The following FLNB variants were observed in gnomAD, a reference collection of about 807,000 sequenced individuals.
FLNB encodes the protein filamin-B.
In FLNB, 111 loss-of-function variants were observed where a neutral mutation model predicts 250.6. The observed-to-expected ratio is 0.44, with a 90% CI of 0.38 to 0.52. FLNB has a LOEUF of 0.52. Among genes scored for constraint, FLNB ranks in the 20% least tolerant of loss-of-function variants. The pLI, the probability that FLNB is intolerant of heterozygous loss-of-function variation, is 0.00. For missense variants in FLNB, 2,869 were observed against 3,447.8 expected, an observed-to-expected ratio of 0.83 and a Z score of 4.20; for synonymous variants, 1,302 against 1,372.1, an observed-to-expected ratio of 0.95 and a Z score of 1.13.
chr3:58,166,657 C>CA (rs958079521), intron 43 of FLNB, among the ~76,000 whole-genome samples: 6 of 151,916 alleles, frequency 3.9e-5, no homozygotes, highest in East Asian at 1.9e-4. Context: ...CCCATCTCTA[C>CA]AAAAAAATTT....
intron 27 of FLNB, among the ~76,000 whole-genome samples, chr3:58,135,077 T>A (rs1301144064): frequency 2.0e-5 from 3 of 152,162 alleles, no homozygotes; most frequent in Non-Finnish European, 4.4e-5. Flanking sequence ...GGTCTTGAAC[T>A]CTCTTGGGTT....
At position 58,147,130 on chromosome 3, in the gene FLNB, G is replaced by T. The variant is rs533530567; in HGVS notation, c.5728+137G>T. The stretch of plus-strand genomic sequence containing the variant: ...TTTCACAGAGACTTGTTGAGGAGGA[G>T]CAGGGGATGGAATGCAATTTTGGAT... On this transcript the variant is annotated intron_variant, in intron 34 of 45. Transcript: ENST00000295956. The T allele has an allele frequency of 3.4e-4, 280 of 829,776 alleles. No homozygotes were observed. The African/African-American group carries it at 4.1e-3, about 12-fold the overall frequency. The allele number at this position is 829,776 out of a possible 1,614,324, so 51.4% of individuals were successfully genotyped here.
At chr3:58,137,898 G>A (rs759790057) in intron 28 of FLNB, among the ~76,000 whole-genome samples, 20 of 152,160 alleles carry the variant, frequency 1.3e-4, no homozygotes, top group Non-Finnish European at 2.5e-4. Context: ...TGGAAATGTC[G>A]TTCTTGGTGC....
chr3:58,039,630 G>T (rs556287242), intron 1 of FLNB, among the ~76,000 whole-genome samples: 1 of 152,176 alleles, frequency 6.6e-6, no homozygotes, highest in Non-Finnish European at 1.5e-5. Context: ...AACAGAACTA[G>T]CTTTTTTGTG....
At chr3:58,025,747 G>A (rs2097122726) in intron 1 of FLNB, among the ~76,000 whole-genome samples, 1 of 152,194 alleles carries the variant, frequency 6.6e-6, no homozygotes, top group African/African-American at 2.4e-5. Context: ...CCAACATGGC[G>A]AAACCCTGTC....
chr3:58,031,704 ACCAAG>A (rs2106761227), intron 1 of FLNB, among the ~76,000 whole-genome samples: 1 of 151,536 alleles, frequency 6.6e-6, no homozygotes, highest in South Asian at 2.1e-4. Flanking sequence ...GGTATGTGCC[ACCAAG>A]CCTGGCTAAT....
At chr3:58,034,813 C>CGGGT (rs2097135754) in intron 1 of FLNB, among the ~76,000 whole-genome samples, 1 of 152,140 alleles carries the variant, frequency 6.6e-6, no homozygotes, top group Non-Finnish European at 1.5e-5. Context: ...TCTCCACAGA[C>CGGGT]GGGTGGGTGT....
intron 1 of FLNB, among the ~76,000 whole-genome samples, chr3:58,069,130 C>A (rs2097190325): frequency 6.8e-6 from 1 of 147,222 alleles, no homozygotes. Flanking sequence ...ATGACCGAGA[C>A]CCTGTCTTTA....
At chr3:58,048,993 G>A (rs1003396005) in intron 1 of FLNB, among the ~76,000 whole-genome samples, 2 of 152,156 alleles carry the variant, frequency 1.3e-5, no homozygotes, top group Non-Finnish European at 2.9e-5. Flanking sequence ...CAAATGAAGG[G>A]CTGGAGACTC....
intron 1 of FLNB, among the ~76,000 whole-genome samples, chr3:58,073,155 ATT>A (rs2097197095): frequency 1.3e-5 from 2 of 150,158 alleles, no homozygotes; most frequent in South Asian, 4.2e-4. Flanking sequence ...CCCACTATTT[ATT>A]TATTTATTTA....
At position 58,145,997 on chromosome 3, in the gene FLNB, A is replaced by G. The variant is rs2097335270; in HGVS notation, c.5502A>G (p.Gly1834=). 1 of 1,614,050 alleles carries G rather than the reference A, an allele frequency of 6.2e-7. No homozygotes were observed. Among genetic ancestry groups the G allele is most frequent in the Admixed American group, 1.7e-5 (1 of 60,012 alleles). The part of the protein sequence containing the change: ...VSAYGPGLVY[G]VANKTATFTI... ...CATACGGTCCAGGCCTCGTGTATGG[A>G]GTGGCCAACAAAACTGCCACCTTCA... Residue 1834 remains glycine (G), a synonymous_variant, in exon 33 of 46, where the codon GGA becomes GGG. Transcript: ENST00000295956.
In FLNB at chr3:58,154,894, G is replaced by C; in HGVS notation, c.6738G>C (p.Gly2246=). 2 of 1,614,122 alleles carry C rather than the reference G, an allele frequency of 1.2e-6. No homozygotes were observed. The highest frequency in any genetic ancestry group is 1.7e-5 in the Admixed American group (1 of 60,022). The part of the protein sequence containing the change: ...AEITFDDHKN[G]SCGVSYIAQE... ...TTACATTCGATGACCATAAAAATGG[G>C]TCGTGCGGTGTATCTTATATTGCCC... The change falls in exon 40 of 46, where the codon GGG becomes GGC. Residue 2246 remains glycine (G), a synonymous_variant. Coordinates refer to ENST00000295956, the MANE Select transcript of FLNB (RefSeq NM_001457.4).
intron 7 of FLNB, 40 bp from the exon 8 acceptor site, chr3:58,098,671 G>C (rs374345062): frequency 8.7e-6 from 14 of 1,604,632 alleles, no homozygotes; most frequent in Non-Finnish European, 1.2e-5. Flanking sequence ...AGCTTTCAGA[G>C]AGGGTGACTT....
intron 43 of FLNB, among the ~76,000 whole-genome samples, 197 bp from the exon 44 acceptor site, chr3:58,168,243 C>T (rs1189331435): frequency 6.6e-6 from 1 of 152,172 alleles, no homozygotes; most frequent in Non-Finnish European, 1.5e-5. Flanking sequence ...CCTGCCTTGG[C>T]CTAGAAAAGG....
chr3:58,033,240 C>T (rs1273958272), intron 1 of FLNB, among the ~76,000 whole-genome samples: 1 of 152,216 alleles, frequency 6.6e-6, no homozygotes, highest in Non-Finnish European at 1.5e-5. Context: ...CTATCCAGCC[C>T]CAGAAGTTTC....
chr3:58,152,420 G>A (rs1559733090), intron 38 of FLNB, among the ~76,000 whole-genome samples: 1 of 152,206 alleles, frequency 6.6e-6, no homozygotes, highest in African/African-American at 2.4e-5. Context: ...AGATTGTGGT[G>A]AGGGCCTCCT....
At chr3:58,009,529 T>C (rs1279721538) in intron 1 of FLNB, among the ~76,000 whole-genome samples, 1 of 152,098 alleles carries the variant, frequency 6.6e-6, no homozygotes, top group African/African-American at 2.4e-5. Flanking sequence ...AGTTATAATT[T>C]AGAGATGGTG....
intron 41 of FLNB, among the ~76,000 whole-genome samples, chr3:58,157,489 C>T (rs904268628): frequency 4.6e-5 from 7 of 152,188 alleles, no homozygotes; most frequent in African/African-American, 1.7e-4. Flanking sequence ...AAACAGAACC[C>T]AAACCAGACT....
At chr3:58,083,613 C>T (rs942095651) in intron 4 of FLNB, among the ~76,000 whole-genome samples, 16 of 152,008 alleles carry the variant, frequency 1.1e-4, no homozygotes, top group Non-Finnish European at 1.9e-4. Flanking sequence ...GTGATCTGCC[C>T]GGCTCGGCCT....
Sources: gnomAD v4.1 joint callset for allele counts (sites outside exome capture counted in the v4.1 genomes callset) on GRCh38, gnomAD v4.1.1 for gene constraint, MANE v1.5 for transcripts, NCBI Gene and HGNC (gene_info 2026-07-23, HGNC 2026-07-21) for gene names.